Variants in SMARCA1 observed in about 807,000 individuals in gnomAD.
The protein encoded by SMARCA1 is SWI/SNF-related matrix-associated actin-dependent regulator of chromatin subfamily A member 1.
SMARCA1 carries 17 observed loss-of-function variants against 93.6 expected under a neutral mutation model. The observed-to-expected ratio is 0.18, with a 90% confidence interval of 0.12 to 0.27. The LOEUF is 0.27. SMARCA1 is among the 10% of genes least tolerant of loss of function. The probability of loss-of-function intolerance (pLI) is 1.00; values close to 1 mark genes in which losing one functional copy is unlikely to be tolerated. For synonymous variants in SMARCA1, 271 were observed against 271.4 expected (o/e 1.00, Z 0.01); for missense variants, 630 against 819.0 (o/e 0.77, Z 2.82).
At chrX:129,515,442 C>T (rs768157737) in intron 5 of SMARCA1, among the ~76,000 whole-genome samples, 2 of 110,362 alleles carry the variant, frequency 1.8e-5, no homozygotes, top group South Asian at 7.9e-4. Flanking sequence ...GCAGGAGGAT[C>T]GCTTGAACCC....
At chrX:129,505,316 G>A (rs1934767709) in intron 8 of SMARCA1, among the ~76,000 whole-genome samples, 1 of 110,962 alleles carries the variant, frequency 9.0e-6, no homozygotes, top group South Asian at 3.8e-4. Context: ...TTCGAGACCA[G>A]CCTGACCAAC....
At chrX:129,515,848 T>C (rs879249999) in intron 4 of SMARCA1, 46 bp downstream of exon 4, 2 of 1,159,188 alleles carry the variant, frequency 1.7e-6, no homozygotes, top group Non-Finnish European at 1.2e-6. Context: ...AAAATTTTTC[T>C]AAAACTAAAT....
chrX:129,495,616 C>G, intron 12 of SMARCA1, among the ~76,000 whole-genome samples: 1 of 111,112 alleles, frequency 9.0e-6, no homozygotes, highest in South Asian at 3.9e-4. Flanking sequence ...TCAAGCAATC[C>G]TCCTGCCTCA....
intron 23 of SMARCA1, among the ~76,000 whole-genome samples, chrX:129,462,766 C>A (rs1332031588): frequency 9.1e-6 from 1 of 110,295 alleles, no homozygotes; most frequent in African/African-American, 3.3e-5. Context: ...AAAAAGATTT[C>A]ATTTTATGAT....
chrX:129,457,964 A>G (rs1932709995), intron 23 of SMARCA1, among the ~76,000 whole-genome samples: 1 of 111,742 alleles, frequency 8.9e-6, no homozygotes. Flanking sequence ...GAATTGCATA[A>G]CACTTATATC....
chrX:129,511,788 C>T lies in SMARCA1; in HGVS notation c.810+16G>A. ...TATTATTCTTAACTGCCTTTTTACA[C>T]TTGTTTCTCACTTACTCTGGCATCC... On this transcript the variant is annotated intron_variant, in intron 6 of 24. Coordinates refer to ENST00000371121, the MANE Select transcript of SMARCA1 (RefSeq NM_001282874.2). The T allele has an allele frequency of 1.7e-6, 2 of 1,162,402 alleles. No homozygotes were observed. The highest frequency in any genetic ancestry group is 2.3e-6 in the Non-Finnish European group (2 of 862,156).
At chrX:129,474,661 A>C (rs965260515) in intron 19 of SMARCA1, among the ~76,000 whole-genome samples, 1 of 112,122 alleles carries the variant, frequency 8.9e-6, no homozygotes, top group Non-Finnish European at 1.9e-5. Flanking sequence ...TTTTAATTCT[A>C]GAAATTACTC....
At chrX:129,453,414 C>T (rs1318445672) in intron 23 of SMARCA1, among the ~76,000 whole-genome samples, 3 of 111,699 alleles carry the variant, frequency 2.7e-5, no homozygotes, top group Non-Finnish European at 5.6e-5. Context: ...TCTCCCCACT[C>T]CTATTCAACA....
At chrX:129,522,826 G>A (rs1378909774) in intron 1 of SMARCA1, among the ~76,000 whole-genome samples, 6 of 111,554 alleles carry the variant, frequency 5.4e-5, no homozygotes, top group Non-Finnish European at 9.5e-5. Context: ...GCGAGCGAGA[G>A]GAGAGGGAGA....
rs1934400207 is a variant in SMARCA1, at chrX:129,497,899, T to G, written c.1450A>C (p.Asn484His). The G allele has an allele frequency of 1.1e-5, 13 of 1,210,319 alleles. No individual in the cohort carries two copies. The highest frequency in any genetic ancestry group is 1.5e-5 in the Non-Finnish European group (13 of 893,997). The change falls in exon 11 of 25, where the codon AAC (asparagine) becomes CAC (histidine). Residue 484 changes from asparagine (N) to histidine (H), a missense_variant. Coordinates refer to ENST00000371121, the MANE Select transcript of SMARCA1 (RefSeq NM_001282874.2). Reference protein sequence around the residue: ...PYTTDEHIVSNSGKMVVLDKL... With the variant: ...PYTTDEHIVSHSGKMVVLDKL... ...TCCAGAACTACCATTTTACCACTGT[T>G]GCTGACAATATGCTCATCAGTGGTA... is the stretch of plus-strand genomic sequence containing the variant.
At chrX:129,451,870 A>T (rs1245502442) in intron 23 of SMARCA1, among the ~76,000 whole-genome samples, 1 of 109,879 alleles carries the variant, frequency 9.1e-6, no homozygotes, top group Non-Finnish European at 1.9e-5. Context: ...CACCCGGCTA[A>T]TTTTTTGTAT....
At chrX:129,454,660 AT>A (rs1367039685) in intron 23 of SMARCA1, among the ~76,000 whole-genome samples, 1 of 111,434 alleles carries the variant, frequency 9.0e-6, no homozygotes, top group Non-Finnish European at 1.9e-5. Flanking sequence ...TATTATTATT[AT>A]TATACTTTAA....
intron 19 of SMARCA1, among the ~76,000 whole-genome samples, chrX:129,478,575 A>G (rs1933495487): frequency 9.1e-6 from 1 of 110,021 alleles, no homozygotes; most frequent in South Asian, 3.9e-4. Flanking sequence ...TCTCTTCTCC[A>G]TCTCCTTCCA....
At chrX:129,488,395 G>A (rs1028172055) in intron 16 of SMARCA1, among the ~76,000 whole-genome samples, 1 of 107,919 alleles carries the variant, frequency 9.3e-6, no homozygotes, top group Non-Finnish European at 1.9e-5. Context: ...GCTCACTTGG[G>A]GCCAGAGGTT....
chrX:129,521,841 C>G (rs767125388), intron 1 of SMARCA1, among the ~76,000 whole-genome samples: 6 of 112,573 alleles, frequency 5.3e-5, no homozygotes, highest in African/African-American at 1.9e-4. Context: ...TCATTTAGCA[C>G]TACAATTGTC....
chrX:129,451,755 G>A (rs1389763408), intron 23 of SMARCA1, among the ~76,000 whole-genome samples: 2 of 101,478 alleles, frequency 2.0e-5, no homozygotes, highest in African/African-American at 3.7e-5. Flanking sequence ...CCAGGCTGGA[G>A]TGCAGTGGCA....
At chrX:129,509,441 A>G (rs1229799241) in intron 6 of SMARCA1, among the ~76,000 whole-genome samples, 1 of 110,670 alleles carries the variant, frequency 9.0e-6, no homozygotes, top group Non-Finnish European at 1.9e-5. Context: ...AAATTTAATT[A>G]AGACATTAGG....
chrX:129,484,484 T>C (rs1040989302), intron 17 of SMARCA1, among the ~76,000 whole-genome samples: 2 of 111,753 alleles, frequency 1.8e-5, no homozygotes, highest in Non-Finnish European at 3.8e-5. Context: ...ATTATCAGCA[T>C]ACTAGCTACA....
At chrX:129,466,033 GAATT>G (rs1924058346) in intron 21 of SMARCA1, 71 bp from the exon 22 acceptor site, 9 of 479,642 alleles carry the variant, frequency 1.9e-5, no homozygotes, top group Non-Finnish European at 2.1e-5. Context: ...GTAGAATAAG[GAATT>G]AATAGGAAAG....
Sources: allele counts gnomAD v4.1 joint callset (sites outside exome capture counted in the v4.1 genomes callset), GRCh38; gene constraint gnomAD v4.1.1; transcripts MANE v1.5; gene names NCBI Gene and HGNC (gene_info 2026-07-23, HGNC 2026-07-21).